RALYL: variants seen among roughly 807,000 people sequenced by gnomAD.
The protein encoded by RALYL is RALY RNA binding protein like, also known as RNA-binding Raly-like protein.
RALYL carries 29 observed loss-of-function variants against 35.1 expected under a neutral mutation model. The observed-to-expected ratio is 0.83, with a 90% CI of 0.61 to 1.13. The LOEUF (loss-of-function observed/expected upper bound fraction) is 1.13. RALYL is among the 50% of genes most tolerant of loss of function. RALYL has a pLI of 0.00. For synonymous variants in RALYL, 120 were observed against 127.6 expected (o/e 0.94, Z 0.40); for missense variants, 359 against 360.4 (o/e 1.00, Z 0.03).
At chr8:84,388,198 T>G (rs1195977667) in intron 1 of RALYL, among the ~76,000 whole-genome samples, 1 of 152,160 alleles carries the variant, frequency 6.6e-6, no homozygotes, top group African/African-American at 2.4e-5. Flanking sequence ...CTGCATAGTA[T>G]TCCATGCTGT....
chr8:84,413,412 G>C (rs1206539149), intron 1 of RALYL, among the ~76,000 whole-genome samples: 1 of 149,866 alleles, frequency 6.7e-6, no homozygotes, highest in Non-Finnish European at 1.5e-5. Flanking sequence ...TTTACTGATG[G>C]AGAAAAAAAA....
chr8:84,276,527 T>C (rs886994707), intron 1 of RALYL, among the ~76,000 whole-genome samples: 1 of 152,176 alleles, frequency 6.6e-6, no homozygotes, highest in Non-Finnish European at 1.5e-5. Context: ...TTGCAATTAA[T>C]CAAACTGAGA....
At chr8:84,192,570 T>G (rs1488777653) in intron 1 of RALYL, among the ~76,000 whole-genome samples, 1 of 152,066 alleles carries the variant, frequency 6.6e-6, no homozygotes, top group Non-Finnish European at 1.5e-5. Flanking sequence ...TTTTCTTTCT[T>G]TTTTTGAGAC....
chr8:84,522,624 A>G lies in RALYL; in HGVS notation c.-23-6675A>G, dbSNP rs117776351. Among the ~76,000 whole-genome samples, 813 of 152,248 alleles carry G rather than the reference A, an allele frequency of 5.3e-3. 7 individuals are homozygous for G. Among genetic ancestry groups the G allele is most frequent in the Non-Finnish European group, 7.2e-3 (488 of 68,016 alleles). On this transcript the variant is annotated intron_variant, in intron 1 of 8. Transcript: ENST00000521268. Reference sequence around the variant, plus strand: ...AAGAGATTTTCTCTGATATTTTTCAACTGGATATGATCACTTTCTCTTTCA... The same window carrying G: ...AAGAGATTTTCTCTGATATTTTTCAGCTGGATATGATCACTTTCTCTTTCA...
intron 1 of RALYL, among the ~76,000 whole-genome samples, chr8:84,413,197 A>G (rs2044271591): frequency 6.6e-6 from 1 of 151,216 alleles, no homozygotes; most frequent in East Asian, 1.9e-4. Context: ...AAAAATGGTA[A>G]TTTTAAGACC....
At chr8:84,411,741 TA>T (rs2044125244) in intron 1 of RALYL, among the ~76,000 whole-genome samples, 1 of 152,014 alleles carries the variant, frequency 6.6e-6, no homozygotes. Context: ...TTTATTTCAG[TA>T]AAATTGCTTG....
intron 3 of RALYL, among the ~76,000 whole-genome samples, chr8:84,804,485 G>A (rs1484416889): frequency 2.0e-5 from 3 of 152,114 alleles, no homozygotes; most frequent in Non-Finnish European, 2.9e-5. Context: ...TAGATACAGA[G>A]AGTGCAATCA....
chr8:84,844,995 C>A (rs1295623949), intron 4 of RALYL, among the ~76,000 whole-genome samples: 1 of 151,964 alleles, frequency 6.6e-6, no homozygotes, highest in Non-Finnish European at 1.5e-5. Flanking sequence ...GGAGGGATAC[C>A]ATTAGGAGAT....
intron 2 of RALYL, among the ~76,000 whole-genome samples, chr8:84,656,820 G>A (rs79606730): frequency 0.011 from 1,623 of 152,170 alleles, 18 homozygotes; most frequent in Non-Finnish European, 0.017. Context: ...GAAGCCATAT[G>A]AGATAAAACA....
At chr8:84,879,750 A>C (rs1841845343) in intron 7 of RALYL, among the ~76,000 whole-genome samples, 1 of 151,984 alleles carries the variant, frequency 6.6e-6, no homozygotes, top group Non-Finnish European at 1.5e-5. Flanking sequence ...TATTTTAAAG[A>C]AGTTAAATAT....
chr8:84,236,345 GTAAGAATAAAGTAT>G (rs1388103360), intron 1 of RALYL, among the ~76,000 whole-genome samples: 1 of 152,074 alleles, frequency 6.6e-6, no homozygotes, highest in Non-Finnish European at 1.5e-5. Flanking sequence ...AGTGAATTGT[GTAAGAATAAAGTAT>G]TTTTCATCAG....
At chr8:84,873,450 C>A in intron 7 of RALYL, 53 bp downstream of exon 7, 1 of 1,111,242 alleles carries the variant, frequency 9.0e-7, no homozygotes, top group Admixed American at 2.0e-5. Flanking sequence ...GAAACGTTGT[C>A]AATCACAGAA....
At chr8:84,454,959 A>G (rs1483759437) in intron 1 of RALYL, among the ~76,000 whole-genome samples, 2 of 152,126 alleles carry the variant, frequency 1.3e-5, no homozygotes, top group Non-Finnish European at 2.9e-5. Context: ...CAGAAAGACT[A>G]TATCAATGCG....
At chr8:84,659,144 G>T (rs1163038897) in intron 2 of RALYL, among the ~76,000 whole-genome samples, 1 of 152,112 alleles carries the variant, frequency 6.6e-6, no homozygotes, top group African/African-American at 2.4e-5. Flanking sequence ...TTGCAGAGTG[G>T]ATTCTCCAGG....
chr8:84,608,964 G>A (rs2130851695), intron 2 of RALYL, among the ~76,000 whole-genome samples: 1 of 152,136 alleles, frequency 6.6e-6, no homozygotes, highest in Non-Finnish European at 1.5e-5. Flanking sequence ...TGTGGAATCT[G>A]AAATCCAGAG....
At chr8:84,384,696 T>G (rs532188987) in intron 1 of RALYL, among the ~76,000 whole-genome samples, 1 of 151,882 alleles carries the variant, frequency 6.6e-6, no homozygotes, top group African/African-American at 2.4e-5. Flanking sequence ...TTTCTTACTC[T>G]GTGAATTCAA....
intron 4 of RALYL, among the ~76,000 whole-genome samples, chr8:84,836,598 T>G (rs1832074631): frequency 6.6e-6 from 1 of 152,192 alleles, no homozygotes; most frequent in Non-Finnish European, 1.5e-5. Flanking sequence ...AAAGTAAAAA[T>G]TTATATGTAT....
chr8:84,249,877 T>G (rs976345189), intron 1 of RALYL, among the ~76,000 whole-genome samples: 2 of 150,912 alleles, frequency 1.3e-5, no homozygotes, highest in South Asian at 4.2e-4. Flanking sequence ...GTTCAAAGGT[T>G]TTTTTTTTCC....
At chr8:84,437,121 G>A (rs1035524398) in intron 1 of RALYL, among the ~76,000 whole-genome samples, 2 of 152,168 alleles carry the variant, frequency 1.3e-5, no homozygotes, top group South Asian at 2.1e-4. Flanking sequence ...AGAACATGTT[G>A]TATTTGGTTT....
Sources: allele counts gnomAD v4.1 joint callset (sites outside exome capture counted in the v4.1 genomes callset), GRCh38; gene constraint gnomAD v4.1.1; transcripts MANE v1.5; gene names NCBI Gene and HGNC (gene_info 2026-07-23, HGNC 2026-07-21).